FAM81A: variants seen among roughly 807,000 people sequenced by gnomAD.
The protein encoded by FAM81A is family with sequence similarity 81 member A.
In FAM81A, 19 loss-of-function variants were observed where a neutral mutation model predicts 46.7. That is an observed-to-expected ratio of 0.41 (90% CI 0.28 to 0.60). The LOEUF is 0.60. Among genes scored for constraint, FAM81A ranks in the 20% least tolerant of loss-of-function variants. FAM81A has a pLI of 0.34. For synonymous variants in FAM81A, 183 were observed against 152.9 expected, an observed-to-expected ratio of 1.20 and a Z score of -1.45; for missense variants, 377 against 453.5, an observed-to-expected ratio of 0.83 and a Z score of 1.53.
At chr15:59,444,099 CTTGCTAGTGTT>C (rs1374977517) in intron 1 of FAM81A, 1 of 152,306 alleles carries the variant, frequency 6.6e-6, no homozygotes, top group Non-Finnish European at 1.5e-5. Context: ...TGCACGGTGG[CTTGCTAGTGTT>C]ATTTCCCTGC....
chr15:59,488,500 T>A (rs147156351), intron 3 of FAM81A, among the ~76,000 whole-genome samples: 1,598 of 152,338 alleles, frequency 0.01, 27 homozygotes, highest in African/African-American at 0.037. Context: ...GCAGATGATA[T>A]GATCTTATAT....
At chr15:59,508,841 A>G in intron 5 of FAM81A, 22 bp from the exon 6 acceptor site, 1 of 1,595,804 alleles carries the variant, frequency 6.3e-7, no homozygotes, top group Non-Finnish European at 8.6e-7. Flanking sequence ...TGTGATATTT[A>G]TAAGCAAGAT....
intron 3 of FAM81A, among the ~76,000 whole-genome samples, chr15:59,482,674 G>C (rs566362625): frequency 6.6e-6 from 1 of 152,216 alleles, no homozygotes; most frequent in Non-Finnish European, 1.5e-5. Context: ...ATCTGGGTGA[G>C]ACTTATGTAT....
At chr15:59,403,227 A>C (rs2081079872) in intron 2 of FAM81A, among the ~76,000 whole-genome samples, 1 of 150,656 alleles carries the variant, frequency 6.6e-6, no homozygotes, top group Admixed American at 6.6e-5. Context: ...CCCATCCCAC[A>C]CCCCCACATT....
At chr15:59,506,884 G>A (rs1470475109) in intron 4 of FAM81A, among the ~76,000 whole-genome samples, 2 of 152,216 alleles carry the variant, frequency 1.3e-5, no homozygotes, top group African/African-American at 2.4e-5. Flanking sequence ...GGCAGGGGTG[G>A]TACTGAAGAG....
chr15:59,466,136 CTT>C (rs763011515), intron 3 of FAM81A, among the ~76,000 whole-genome samples: 4 of 152,300 alleles, frequency 2.6e-5, no homozygotes, highest in Non-Finnish European at 4.4e-5. Flanking sequence ...GGTTCCAAGT[CTT>C]TGCTATTCTG....
At chr15:59,453,605 T>C (rs1436207583) in intron 1 of FAM81A, among the ~76,000 whole-genome samples, 4 of 151,968 alleles carry the variant, frequency 2.6e-5, no homozygotes, top group African/African-American at 9.7e-5. Context: ...TGTTGGACTG[T>C]AGCTGTGCAA....
chr15:59,437,481 G>A (rs911198709), upstream of FAM81A, among the ~76,000 whole-genome samples: 2 of 152,104 alleles, frequency 1.3e-5, no homozygotes, highest in African/African-American at 4.8e-5. Context: ...GACGCGCTGG[G>A]AGGGGATGAA....
intron 2 of FAM81A, among the ~76,000 whole-genome samples, chr15:59,408,575 T>C (rs1332470220): frequency 6.6e-6 from 1 of 152,140 alleles, no homozygotes; most frequent in East Asian, 1.9e-4. Flanking sequence ...ACGCCTGTAA[T>C]CCCAGCAATT....
intron 4 of FAM81A, among the ~76,000 whole-genome samples, chr15:59,493,046 TA>T (rs2081997842): frequency 6.6e-6 from 1 of 152,198 alleles, no homozygotes; most frequent in African/African-American, 2.4e-5. Context: ...CCGAAGTATT[TA>T]TGGGCCTCTT....
intron 3 of FAM81A, among the ~76,000 whole-genome samples, chr15:59,477,074 C>T (rs1489610651): frequency 2.6e-5 from 4 of 151,228 alleles, no homozygotes; most frequent in African/African-American, 7.3e-5. Flanking sequence ...CAGCCGAGAT[C>T]GTGCCACTGC....
chr15:59,449,618 A>G (rs921265274), intron 1 of FAM81A, among the ~76,000 whole-genome samples: 18 of 151,852 alleles, frequency 1.2e-4, no homozygotes, highest in South Asian at 2.1e-4. Flanking sequence ...CGTCTCTACT[A>G]AAAAACACAA....
At chr15:59,399,690 A>G (rs1242394594) in intron 1 of FAM81A, among the ~76,000 whole-genome samples, 5 of 152,172 alleles carry the variant, frequency 3.3e-5, no homozygotes, top group Non-Finnish European at 7.4e-5. Flanking sequence ...GATTGAAGAT[A>G]GGAGGCAGGA....
At position 59,521,237 on chromosome 15, in the gene FAM81A, T is replaced by C; in HGVS notation, c.983-17T>C. 6.3e-7 allele frequency: 1 copy of C among 1,599,436 alleles called. No individual in the cohort carries two copies. The highest frequency in any genetic ancestry group is 8.5e-7 in the Non-Finnish European group (1 of 1,174,698). On this transcript the variant is annotated splice_polypyrimidine_tract_variant and intron_variant, in intron 8 of 8. Coordinates refer to ENST00000288228, the MANE Select transcript of FAM81A (RefSeq NM_152450.3). ...AAAAAAATTGTTAACTGTTGTGAAA[T>C]TTACCTCTCCTTCAAGGGTTTACAG...
chr15:59,458,220 C>G (rs1346831871), intron 1 of FAM81A, among the ~76,000 whole-genome samples: 3 of 152,174 alleles, frequency 2.0e-5, no homozygotes, highest in African/African-American at 7.2e-5. Flanking sequence ...ATTAAACACT[C>G]TAGTTTCTGT....
At chr15:59,507,744 C>A (rs937825699) in intron 5 of FAM81A, among the ~76,000 whole-genome samples, 4 of 152,232 alleles carry the variant, frequency 2.6e-5, no homozygotes, top group Non-Finnish European at 1.5e-5. Flanking sequence ...ACTACCTCAT[C>A]ACATAGTCTG....
Position 59,507,202 on chromosome 15 carries a change from T to C in FAM81A, c.414-11T>C. The C allele has an allele frequency of 1.2e-6, 2 of 1,607,272 alleles. No homozygotes were observed. Among genetic ancestry groups the C allele is most frequent in the Middle Eastern group, 1.7e-4 (1 of 6,056 alleles). On this transcript the variant is annotated splice_polypyrimidine_tract_variant and intron_variant, in intron 4 of 8. Coordinates refer to ENST00000288228, the MANE Select transcript of FAM81A (RefSeq NM_152450.3). The stretch of plus-strand genomic sequence containing the variant: ...TTTAATAAGAATCAGCTTTGTTCTT[T>C]GTCTGGACAGATGTGATGCCAGCAT...
chr15:59,484,410 C>T (rs374555079), intron 3 of FAM81A, among the ~76,000 whole-genome samples: 4 of 152,246 alleles, frequency 2.6e-5, no homozygotes, highest in East Asian at 1.9e-4. Context: ...AGCAGGTAAG[C>T]GATCACAGTA....
chr15:59,489,048 G>A (rs1293996824), intron 3 of FAM81A, among the ~76,000 whole-genome samples: 4 of 152,064 alleles, frequency 2.6e-5, no homozygotes, highest in South Asian at 2.1e-4. Flanking sequence ...GGCGGATCAC[G>A]AGGTCAGGAG....
Sources: gnomAD v4.1 joint callset for allele counts (sites outside exome capture counted in the v4.1 genomes callset) on GRCh38, gnomAD v4.1.1 for gene constraint, MANE v1.5 for transcripts, NCBI Gene and HGNC (gene_info 2026-07-23, HGNC 2026-07-21) for gene names.